SYNE1: variants seen among roughly 807,000 people sequenced by gnomAD.
SYNE1 encodes spectrin repeat containing nuclear envelope protein 1.
In SYNE1, 616 loss-of-function variants were observed where a neutral mutation model predicts 1,111.0. The observed-to-expected ratio is 0.55, with a 90% confidence interval of 0.52 to 0.59. The LOEUF (loss-of-function observed/expected upper bound fraction) is 0.59, where lower values mean the gene tolerates loss of function less well. Ranked by LOEUF, SYNE1 falls within the 20% of genes least tolerant of loss-of-function variation. The pLI is 0.00. For synonymous variants in SYNE1, 3,855 were observed against 3,825.8 expected (o/e 1.01, Z -0.28); for missense variants, 10,006 against 10,417.0 (o/e 0.96, Z 1.72).
chr6:152,532,544 T>C (rs961348680), intron 4 of SYNE1, among the ~76,000 whole-genome samples: 2 of 152,188 alleles, frequency 1.3e-5, no homozygotes, highest in Admixed American at 6.5e-5. Context: ...TTTACTTCAG[T>C]TGAGGCACAC....
chr6:152,365,388 A>T (rs967814686), intron 62 of SYNE1, among the ~76,000 whole-genome samples: 1 of 152,178 alleles, frequency 6.6e-6, no homozygotes. Flanking sequence ...AACCAAAAAA[A>T]CCCATAGAAA....
intron 130 of SYNE1, among the ~76,000 whole-genome samples, chr6:152,169,560 T>TGA (rs1193053256): frequency 1.6e-4 from 1 of 6,188 alleles, no homozygotes; most frequent in Non-Finnish European, 2.8e-4. Context: ...AGACTCCATC[T>TGA]CAAAAAAAAA....
rs551100494 is a variant in SYNE1, at chr6:152,232,399, T to C, written c.20713-134A>G. Reference sequence around the variant, plus strand: ...CACTCCTTAATGACATTTGGAGATCTTACCCTTTCTGAAAGCTTGAAGTTA... The same window carrying C: ...CACTCCTTAATGACATTTGGAGATCCTACCCTTTCTGAAAGCTTGAAGTTA... On this transcript the variant is annotated intron_variant, in intron 112 of 145. Transcript: ENST00000367255. 3.2e-4 allele frequency: 315 copies of C among 972,934 alleles called. No individual in the cohort carries two copies. The African/African-American group carries it at 4.6e-3, about 14-fold the overall frequency. 60.3% of individuals were successfully genotyped at this position (972,934 alleles called of 1,614,324 possible).
intron 5 of SYNE1, among the ~76,000 whole-genome samples, chr6:152,523,856 G>A (rs1342086209): frequency 3.3e-5 from 5 of 152,002 alleles, no homozygotes; most frequent in Non-Finnish European, 7.4e-5. Flanking sequence ...CGGCTTGGTG[G>A]CTGTTGCTAT....
chr6:152,284,079 C>A lies in SYNE1; in HGVS notation c.18106G>T (p.Asp6036Tyr). The A allele has an allele frequency of 6.2e-7, 1 of 1,614,140 alleles. No individual in the cohort carries two copies. The highest frequency in any genetic ancestry group is 2.2e-5 in the East Asian group (1 of 44,880). The change falls in exon 96 of 146, where the codon GAC (aspartate) becomes TAC (tyrosine). Residue 6036 changes from aspartate (D) to tyrosine (Y), a missense_variant. Physicochemically the swap from Asp to Tyr is radical, Grantham distance 160. Transcript: ENST00000367255. The part of the protein sequence containing the change: ...EELVSESCEA[D>Y]PAEQLALQST... ...TGCAAGGCCAGCTGCTCCGCAGGGT[C>A]GGCCTCACAAGACTCGGATACCAGC...
rs768414124 is a variant in SYNE1 at position 152,483,104 on chromosome 6, C to T, written c.1331G>A (p.Arg444Gln). 5 of 1,614,054 alleles carry T rather than the reference C, an allele frequency of 3.1e-6. No homozygotes were observed. The African/African-American group carries it at 4.0e-5, about 13-fold the overall frequency. ...VHEETANTIQ[R>Q]KLEQHKDLLQ... is the part of the protein sequence containing the mutation. ...TTTTACCTTATGTTGCTCAAGTTTC[C>T]GTTGTATCGTGTTTGCTGTTTCCTC... The change falls in exon 14 of 146, where the codon CGG (arginine) becomes CAG (glutamine). Residue 444 changes from arginine to glutamine, a missense_variant. Arg to Gln is a conservative substitution (Grantham distance 43). This residue lies in a region of SYNE1 where 1,971 missense variants were observed against 2,084.1 expected (regional missense o/e 0.95). Transcript: ENST00000367255.
chr6:152,550,663 C>A (rs1273571206), intron 3 of SYNE1, among the ~76,000 whole-genome samples: 1 of 151,546 alleles, frequency 6.6e-6, no homozygotes, highest in Non-Finnish European at 1.5e-5. Context: ...AAAAAATTGA[C>A]CTGAATTGAG....
At chr6:152,614,179 T>A (rs926407585) in intron 3 of SYNE1, among the ~76,000 whole-genome samples, 1 of 152,108 alleles carries the variant, frequency 6.6e-6, no homozygotes, top group East Asian at 1.9e-4. Flanking sequence ...CAAAAGAAAC[T>A]ACCATCAGAG....
At chr6:152,236,681 CATT>C in intron 109 of SYNE1, 133 bp downstream of exon 109, 1 of 1,130,200 alleles carries the variant, frequency 8.8e-7, no homozygotes, top group Non-Finnish European at 1.3e-6. Context: ...ATAACAGAAA[CATT>C]ATCTCCTTTC....
chr6:152,546,524 A>G (rs963840862), intron 3 of SYNE1: 1 of 152,138 alleles, frequency 6.6e-6, no homozygotes, highest in Non-Finnish European at 1.5e-5. Context: ...CTTTGGCTAT[A>G]TTGGAATTCA....
chr6:152,242,422 T>C lies in SYNE1; in HGVS notation c.19711A>G (p.Met6571Val). Residue 6571 changes from methionine (M) to valine (V), a missense_variant, in exon 107 of 146, where the codon ATG becomes GTG. Around this residue, in one of 7 missense-constraint regions of SYNE1, gnomAD observed 2,182 missense variants for 2,287.8 expected, o/e 0.95. Transcript: ENST00000367255. ...SKLQDMYDEL[M>V]MIIGSRRSGL... Reference sequence around the variant, plus strand: ...CTCCTCCGGGAGCCAATGATCATCATCAGCTCATCATACATGTCCTAAGAA... The same window carrying C: ...CTCCTCCGGGAGCCAATGATCATCACCAGCTCATCATACATGTCCTAAGAA... The C allele has an allele frequency of 1.2e-6, 2 of 1,614,054 alleles. No homozygotes were observed. The highest frequency in any genetic ancestry group is 1.7e-6 in the Non-Finnish European group (2 of 1,179,988).
chr6:152,599,550 T>G (rs925058923), intron 3 of SYNE1, among the ~76,000 whole-genome samples: 4 of 152,196 alleles, frequency 2.6e-5, no homozygotes, highest in African/African-American at 9.7e-5. Flanking sequence ...CAGGGTTTTT[T>G]GCCTAATTTT....
At chr6:152,169,256 C>G (rs932624611) in intron 130 of SYNE1, among the ~76,000 whole-genome samples, 2 of 151,998 alleles carry the variant, frequency 1.3e-5, no homozygotes, top group Non-Finnish European at 2.9e-5. Flanking sequence ...CAGAACACTA[C>G]AGGAAACACA....
intron 63 of SYNE1, among the ~76,000 whole-genome samples, chr6:152,364,251 G>T (rs2097009004): frequency 6.6e-6 from 1 of 152,152 alleles, no homozygotes; most frequent in South Asian, 2.1e-4. Flanking sequence ...GGAATTGGGA[G>T]TCAATTAAAC....
chr6:152,204,303 T>C (rs1587747948), intron 126 of SYNE1, among the ~76,000 whole-genome samples: 1 of 149,292 alleles, frequency 6.7e-6, no homozygotes, highest in East Asian at 2.0e-4. Context: ...AGAGTGGAGG[T>C]TGCAATTAGC....
At chr6:152,499,523 T>A (rs1294392219) in intron 10 of SYNE1, among the ~76,000 whole-genome samples, 8 of 152,030 alleles carry the variant, frequency 5.3e-5, no homozygotes, top group Non-Finnish European at 2.9e-5. Flanking sequence ...CAAGAATTTT[T>A]AAAAAAATGA....
chr6:152,286,678 G>A (rs1315694871), intron 95 of SYNE1, among the ~76,000 whole-genome samples: 1 of 152,146 alleles, frequency 6.6e-6, no homozygotes, highest in Admixed American at 6.5e-5. Flanking sequence ...GTATGGAGTT[G>A]TTTGTATATT....
rs200341649 is a variant in SYNE1 at position 152,138,512 on chromosome 6, AAAATAAATAAATAAATAAATAAAT to A, written c.25458+1414_25458+1437del. On this transcript the variant is annotated intron_variant, in intron 140 of 145. Transcript: ENST00000367255. The stretch of plus-strand genomic sequence containing the variant: ...GGTGATAGAGTGAGACTCTGTCTCA[AAAATAAATAAATAAATAAATAAAT>A]AAATAAATAAATAAATAAATAAAAT... Among the ~76,000 whole-genome samples, 3 of 141,778 alleles carry A rather than the reference AAAATAAATAAATAAATAAATAAAT, an allele frequency of 2.1e-5. No homozygotes were observed. The East Asian group carries it at 6.3e-4, about 30-fold the overall frequency. The allele number at this position is 141,778 out of a possible 152,430, so 93.0% of individuals were successfully genotyped here.
intron 127 of SYNE1, among the ~76,000 whole-genome samples, chr6:152,201,455 T>C (rs2075411101): frequency 1.3e-5 from 2 of 151,920 alleles, no homozygotes; most frequent in South Asian, 4.2e-4. Flanking sequence ...TGTCTGCAGA[T>C]TTTCCAGGCT....
Sources: allele counts gnomAD v4.1 joint callset (sites outside exome capture counted in the v4.1 genomes callset), GRCh38; gene constraint gnomAD v4.1.1; regional missense constraint gnomAD v4.1.1; transcripts MANE v1.5; gene names NCBI Gene and HGNC (gene_info 2026-07-23, HGNC 2026-07-21).